The following DSCAM variants were observed in gnomAD, a reference collection of about 807,000 sequenced individuals.
The protein encoded by DSCAM is cell adhesion molecule DSCAM.
A neutral mutation model predicts 217.7 loss-of-function variants in DSCAM; 47 were observed. That is an observed-to-expected ratio of 0.22 (90% confidence interval 0.17 to 0.28). The LOEUF (loss-of-function observed/expected upper bound fraction) is 0.28. Ranked by LOEUF, DSCAM falls within the 10% of genes least tolerant of loss-of-function variation. DSCAM has a pLI of 1.00. For missense variants in DSCAM, 2,080 were observed against 2,618.3 expected, an observed-to-expected ratio of 0.79 and a Z score of 4.49; for synonymous variants, 1,056 against 1,015.3, an observed-to-expected ratio of 1.04 and a Z score of -0.76.
intron 11 of DSCAM, among the ~76,000 whole-genome samples, chr21:40,215,591 G>A (rs1022902209): frequency 2.0e-5 from 3 of 152,018 alleles, no homozygotes; most frequent in Admixed American, 6.6e-5. Context: ...CTTATAAGTG[G>A]GAGCTAAGCT....
intron 3 of DSCAM, among the ~76,000 whole-genome samples, chr21:40,487,666 C>A (rs1208625434): frequency 6.6e-6 from 1 of 152,078 alleles, no homozygotes. Flanking sequence ...GGCAAGGAAG[C>A]CCGTGAGAAA....
At chr21:40,563,023 G>T (rs1256928852) in intron 3 of DSCAM, among the ~76,000 whole-genome samples, 1 of 152,174 alleles carries the variant, frequency 6.6e-6, no homozygotes, top group Non-Finnish European at 1.5e-5. Context: ...GGCTGATAGA[G>T]ACAATCGCCC....
intron 9 of DSCAM, among the ~76,000 whole-genome samples, chr21:40,309,471 T>C (rs996641871): frequency 1.3e-5 from 2 of 152,152 alleles, no homozygotes; most frequent in African/African-American, 4.8e-5. Context: ...GGCTGCTCCT[T>C]TTCCCTCTTC....
chr21:40,675,851 C>CA (rs997325044), intron 3 of DSCAM, among the ~76,000 whole-genome samples: 1 of 152,206 alleles, frequency 6.6e-6, no homozygotes, highest in Non-Finnish European at 1.5e-5. Context: ...ACTAACCCTT[C>CA]AAAAGAGAAA....
At chr21:40,717,359 T>C (rs1186164966) in intron 1 of DSCAM, among the ~76,000 whole-genome samples, 1 of 152,214 alleles carries the variant, frequency 6.6e-6, no homozygotes, top group African/African-American at 2.4e-5. Flanking sequence ...AATGAAAACA[T>C]ACATCCACAC....
In DSCAM at chr21:40,831,546, C is replaced by T. The variant is rs368814300; in HGVS notation, c.43+15073G>A. On this transcript the variant is annotated intron_variant, in intron 1 of 32. Coordinates refer to ENST00000400454, the MANE Select transcript of DSCAM (RefSeq NM_001389.5). ...ACTCACAATTTCAGCCTCCAATTAGCAATTTCAAAAATATTTTGATTCTGA... is the reference window on the plus strand; with the variant it reads ...ACTCACAATTTCAGCCTCCAATTAGTAATTTCAAAAATATTTTGATTCTGA... 5.1e-4 allele frequency among the ~76,000 whole-genome samples: 78 copies of T among 152,252 alleles called. 1 individual carries two copies. The South Asian group carries it at 0.016, about 32-fold the overall frequency.
intron 32 of DSCAM, among the ~76,000 whole-genome samples, chr21:40,028,901 G>T (rs2088458982): frequency 6.6e-6 from 1 of 151,908 alleles, no homozygotes; most frequent in South Asian, 2.1e-4. Context: ...AACAGATAAA[G>T]GGGTGCTCTC....
chr21:40,723,252 TCTC>T (rs1231552855), intron 1 of DSCAM, among the ~76,000 whole-genome samples: 1 of 152,094 alleles, frequency 6.6e-6, no homozygotes, highest in African/African-American at 2.4e-5. Flanking sequence ...GCCACGCTGG[TCTC>T]CTCAGTGTCC....
chr21:40,064,386 A>C (rs894692071), intron 27 of DSCAM, among the ~76,000 whole-genome samples: 7 of 151,972 alleles, frequency 4.6e-5, no homozygotes, highest in Non-Finnish European at 4.4e-5. Context: ...CGCCACAATA[A>C]TCTCTCCTTT....
intron 20 of DSCAM, among the ~76,000 whole-genome samples, chr21:40,101,410 C>T (rs538843846): frequency 3.9e-5 from 6 of 152,028 alleles, no homozygotes; most frequent in South Asian, 2.1e-4. Flanking sequence ...TCTGGCTCAG[C>T]GGTCCCCAGC....
At chr21:40,751,245 C>T (rs1370639727) in intron 1 of DSCAM, among the ~76,000 whole-genome samples, 1 of 152,200 alleles carries the variant, frequency 6.6e-6, no homozygotes, top group Admixed American at 6.5e-5. Flanking sequence ...ATCTGAAACT[C>T]CACGTCTCCC....
At chr21:40,264,367 C>T (rs554241167) in intron 11 of DSCAM, among the ~76,000 whole-genome samples, 1 of 152,142 alleles carries the variant, frequency 6.6e-6, no homozygotes, top group South Asian at 2.1e-4. Flanking sequence ...AAATAATTCA[C>T]CATGATAATT....
chr21:40,783,721 C>T (rs1448834015), intron 1 of DSCAM, among the ~76,000 whole-genome samples: 3 of 152,178 alleles, frequency 2.0e-5, no homozygotes, highest in Non-Finnish European at 4.4e-5. Context: ...ACGCTTTCAA[C>T]TTGTCACATG....
chr21:40,581,422 A>G (rs532719207), intron 3 of DSCAM, among the ~76,000 whole-genome samples: 1 of 152,316 alleles, frequency 6.6e-6, no homozygotes, highest in South Asian at 2.1e-4. Context: ...GCGAAGAAAT[A>G]GGGGCTCAGG....
chr21:40,671,527 A>C (rs1323430667), intron 3 of DSCAM, among the ~76,000 whole-genome samples: 1 of 151,970 alleles, frequency 6.6e-6, no homozygotes, highest in African/African-American at 2.4e-5. Flanking sequence ...TCTATTAAAA[A>C]TACAAAAATT....
At chr21:40,099,886 C>T (rs2089728056) in intron 20 of DSCAM, among the ~76,000 whole-genome samples, 1 of 152,136 alleles carries the variant, frequency 6.6e-6, no homozygotes, top group Admixed American at 6.5e-5. Context: ...GGGAATCTCT[C>T]GGAGAACTTG....
At chr21:40,109,170 G>A (rs990029224) in intron 20 of DSCAM, among the ~76,000 whole-genome samples, 1 of 152,212 alleles carries the variant, frequency 6.6e-6, no homozygotes, top group Non-Finnish European at 1.5e-5. Context: ...GTAAATGAAA[G>A]AGCTTCTGTG....
At chr21:40,578,211 GA>G (rs1226781884) in intron 3 of DSCAM, among the ~76,000 whole-genome samples, 1 of 152,078 alleles carries the variant, frequency 6.6e-6, no homozygotes, top group East Asian at 1.9e-4. Context: ...ACCCTTCTGT[GA>G]ATAGCCCAGA....
At chr21:40,628,304 C>A (rs1202076915) in intron 3 of DSCAM, among the ~76,000 whole-genome samples, 1 of 152,254 alleles carries the variant, frequency 6.6e-6, no homozygotes, top group Middle Eastern at 3.4e-3. Context: ...CCCCACTTAC[C>A]AGATGAGAGA....
Sources: gnomAD v4.1 joint callset for allele counts (sites outside exome capture counted in the v4.1 genomes callset) on GRCh38, gnomAD v4.1.1 for gene constraint, MANE v1.5 for transcripts, NCBI Gene and HGNC (gene_info 2026-07-23, HGNC 2026-07-21) for gene names.